Variants in PHF12 observed in about 807,000 individuals in gnomAD.
The protein encoded by PHF12 is PHD factor 1.
A neutral mutation model predicts 99.8 loss-of-function variants in PHF12; 6 were observed. The ratio of observed to expected loss-of-function variants is 0.06; its 90% CI spans 0.03 to 0.12. The LOEUF (loss-of-function observed/expected upper bound fraction) is 0.12, where lower values mean the gene tolerates loss of function less well. Ranked by LOEUF, PHF12 falls within the 10% of genes least tolerant of loss-of-function variation. The probability of loss-of-function intolerance (pLI) is 1.00; values close to 1 mark genes in which losing one functional copy is unlikely to be tolerated. For missense variants in PHF12, 954 were observed against 1,300.1 expected (o/e 0.73, Z 4.09); for synonymous variants, 480 against 514.9 (o/e 0.93, Z 0.92).
chr17:28,947,610 C>T (rs879937127), intron 2 of PHF12, among the ~76,000 whole-genome samples: 1 of 151,780 alleles, frequency 6.6e-6, no homozygotes, highest in Non-Finnish European at 1.5e-5. Context: ...AAAACAACAA[C>T]AAAAAAAACT....
At position 28,949,286 on chromosome 17, in the gene PHF12, G is replaced by T. The variant is rs139353045; in HGVS notation, c.248+779C>A. ...TGTCTAACCCGGCCCGATTTCCTAA[G>T]AGGCAGCGGCGCCGGGAGGGAGGAG... On this transcript the variant is annotated intron_variant, in intron 2 of 14. Coordinates refer to ENST00000332830, the MANE Select transcript of PHF12 (RefSeq NM_001033561.2). The surrounding 1 kb of genome is among the most constrained non-coding windows in gnomAD (Gnocchi z 4.6). Among the ~76,000 whole-genome samples, 1 of 152,160 alleles carries T rather than the reference G, an allele frequency of 6.6e-6. No individual in the cohort carries two copies. Among genetic ancestry groups the T allele is most frequent in the Non-Finnish European group, 1.5e-5 (1 of 68,030 alleles).
chr17:28,931,319 G>A (rs921387079), intron 2 of PHF12, among the ~76,000 whole-genome samples: 18 of 149,498 alleles, frequency 1.2e-4, no homozygotes, highest in Admixed American at 2.7e-4. Flanking sequence ...GCAGTGGCGC[G>A]ATCTTGGCTC....
chr17:28,950,773 TG>T lies in PHF12; in HGVS notation c.66+121del. ...GCAAAGAGGGGAGGGAGAGGCTAGG[TG>T]AGGAAGAATCCCCCTCCCTCGGCCA... On this transcript the variant is annotated intron_variant, in intron 1 of 14. Transcript: ENST00000332830. This position sits in a 1 kb window ranked among gnomAD's most constrained non-coding sequence, Gnocchi z 5.7. 3 of 1,393,892 alleles carry T rather than the reference TG, an allele frequency of 2.2e-6. No individual in the cohort carries two copies. The highest frequency in any genetic ancestry group is 2.9e-6 in the Non-Finnish European group (3 of 1,034,660). 86.3% of individuals were successfully genotyped at this position (1,393,892 alleles called of 1,614,324 possible).
intron 3 of PHF12, 186 bp downstream of exon 3, chr17:28,926,805 C>T (rs1176042875): frequency 1.3e-6 from 2 of 1,531,740 alleles, no homozygotes; most frequent in South Asian, 2.4e-5. Flanking sequence ...TTCAGCAGCC[C>T]ATGTTTGGAT....
At chr17:28,936,903 T>A (rs2040520479) in intron 2 of PHF12, among the ~76,000 whole-genome samples, 1 of 152,242 alleles carries the variant, frequency 6.6e-6, no homozygotes, top group African/African-American at 2.4e-5. Flanking sequence ...ACTAGCCTAC[T>A]CTCCCTCAGA....
Position 28,950,855 on chromosome 17 carries a change from C to A in PHF12, c.66+40G>T, listed in dbSNP as rs768968340. 6.2e-7 allele frequency: 1 copy of A among 1,609,354 alleles called. No homozygotes were observed. Among genetic ancestry groups the A allele is most frequent in the South Asian group, 1.1e-5 (1 of 90,732 alleles). On this transcript the variant is annotated intron_variant, in intron 1 of 14. Transcript: ENST00000332830. The surrounding 1 kb of genome is among the most constrained non-coding windows in gnomAD (Gnocchi z 5.7). ...GTGGGGCGGAGGGCGGAGGTTCCCT[C>A]CCGGCGCTGGAGGAAGGAGATGAGG... is the stretch of plus-strand genomic sequence containing the variant.
chr17:28,928,879 C>T (rs973796648), intron 2 of PHF12, among the ~76,000 whole-genome samples: 2 of 152,024 alleles, frequency 1.3e-5, no homozygotes, highest in South Asian at 2.1e-4. Flanking sequence ...AGGCAGAACA[C>T]GACGTCAGGA....
In PHF12 at chr17:28,950,997, C is replaced by T. The variant is rs767715122; in HGVS notation, c.-37G>A. 7.8e-5 allele frequency: 125 copies of T among 1,609,300 alleles called. No individual in the cohort carries two copies. The Admixed American group carries it at 2.0e-3, about 26-fold the overall frequency. On this transcript the variant is annotated 5_prime_UTR_variant, in exon 1 of 15. Coordinates refer to ENST00000332830, the MANE Select transcript of PHF12 (RefSeq NM_001033561.2). This position sits in a 1 kb window ranked among gnomAD's most constrained non-coding sequence, Gnocchi z 5.7. ...CCGGGCTGGGTGCTCTCTGCTCCGG[C>T]CCCCCCAACCCCGGGGGGAGGGGGG...
At chr17:28,923,257 TGGAAAGTA>T (rs1197398331) in intron 4 of PHF12, among the ~76,000 whole-genome samples, 4 of 151,874 alleles carry the variant, frequency 2.6e-5, no homozygotes, top group Non-Finnish European at 5.9e-5. Flanking sequence ...AGCAGGAAGG[TGGAAAGTA>T]GGCAAATGGC....
Position 28,951,260 on chromosome 17 carries a change from G to C in PHF12, c.-300C>G, listed in dbSNP as rs965924800. On this transcript the variant is annotated 5_prime_UTR_variant, in exon 1 of 15. Transcript: ENST00000332830. ...GGGCCTAGTCCCACAGGCTAAAGCC[G>C]GCACTGGCGACAGCCGGTCCGGCCG... 2.1e-5 allele frequency: 25 copies of C among 1,218,344 alleles called. 1 individual carries two copies. In the South Asian group the frequency reaches 4.5e-4, roughly 22 times the overall value. The allele number at this position is 1,218,344 out of a possible 1,614,324, so 75.5% of individuals were successfully genotyped here.
At chr17:28,927,208 C>T in intron 2 of PHF12, 145 bp from the exon 3 acceptor site, 1 of 680,898 alleles carries the variant, frequency 1.5e-6, no homozygotes, top group East Asian at 2.7e-5. Context: ...ATGCCTAAGT[C>T]AGCATCACTC....
At chr17:28,923,607 G>A (rs1450591498) in intron 4 of PHF12, among the ~76,000 whole-genome samples, 1 of 123,918 alleles carries the variant, frequency 8.1e-6, no homozygotes, top group Admixed American at 9.9e-5. Flanking sequence ...GCAATGAGCC[G>A]AGATCGTGCC....
In PHF12 at chr17:28,913,184, T is replaced by C; in HGVS notation, c.1387A>G (p.Lys463Glu). ...PSHWDSEQTEKADIKPVIVTD... is the reference protein window; with the variant it reads ...PSHWDSEQTEEADIKPVIVTD... The stretch of plus-strand genomic sequence containing the variant: ...ACAATAACAGGCTTAATATCAGCCT[T>C]CTCTGTCTGTTCAGAGTCCCAATGC... Residue 463 changes from lysine (K) to glutamate (E), a missense_variant, in exon 9 of 15, where the codon AAG (lysine) becomes GAG (glutamate). By Grantham distance (56) the Lys-to-Glu change is moderately conservative. Coordinates refer to ENST00000332830, the MANE Select transcript of PHF12 (RefSeq NM_001033561.2). 6.2e-7 allele frequency: 1 copy of C among 1,614,134 alleles called. No homozygotes were observed. The highest frequency in any genetic ancestry group is 8.5e-7 in the Non-Finnish European group (1 of 1,180,010).
chr17:28,943,076 C>T (rs2040650121), intron 2 of PHF12, among the ~76,000 whole-genome samples: 2 of 152,130 alleles, frequency 1.3e-5, no homozygotes, highest in African/African-American at 4.8e-5. Flanking sequence ...ACATCACTAG[C>T]CTTCAGGGAA....
rs985790404 is a variant in PHF12, at chr17:28,906,729, G to A, written c.2680+127C>T. On this transcript the variant is annotated intron_variant, in intron 14 of 14. Coordinates refer to ENST00000332830, the MANE Select transcript of PHF12 (RefSeq NM_001033561.2). This position sits in a 1 kb window ranked among gnomAD's most constrained non-coding sequence, Gnocchi z 4.2. ...CACTTGCTTCTCTGTGGCCTGCCCT[G>A]GGCCCACGAGGAAGTAGAGCTTGGC... The A allele has an allele frequency of 6.1e-5, 86 of 1,408,066 alleles. No individual in the cohort carries two copies. The highest frequency in any genetic ancestry group is 9.3e-5 in the Admixed American group (4 of 42,992). The allele number at this position is 1,408,066 out of a possible 1,614,324, so 87.2% of individuals were successfully genotyped here.
At chr17:28,931,148 T>C (rs1483923940) in intron 2 of PHF12, among the ~76,000 whole-genome samples, 1 of 152,150 alleles carries the variant, frequency 6.6e-6, no homozygotes, top group African/African-American at 2.4e-5. Context: ...TTGTTAAGCC[T>C]GCCCTAAAGT....
chr17:28,923,773 T>G, intron 4 of PHF12, 136 bp downstream of exon 4: 1 of 1,091,526 alleles, frequency 9.2e-7, no homozygotes, highest in Admixed American at 3.1e-5. Flanking sequence ...CCTTCAAAGA[T>G]CTCTCCAAGC....
intron 2 of PHF12, among the ~76,000 whole-genome samples, chr17:28,945,768 A>G (rs143223594): frequency 4.1e-4 from 63 of 152,304 alleles, no homozygotes; most frequent in African/African-American, 1.3e-3. Flanking sequence ...CAGTCCAGAG[A>G]CCTTTCAGAA....
chr17:28,935,527 C>T (rs2040493412), intron 2 of PHF12, among the ~76,000 whole-genome samples: 3 of 152,214 alleles, frequency 2.0e-5, no homozygotes. Flanking sequence ...CCTCCTCAGC[C>T]TCCCAAAGTG....
Sources: allele counts gnomAD v4.1 joint callset (sites outside exome capture counted in the v4.1 genomes callset), GRCh38; gene constraint gnomAD v4.1.1; non-coding constraint Gnocchi (gnomAD v3.1); transcripts MANE v1.5; gene names NCBI Gene and HGNC (gene_info 2026-07-23, HGNC 2026-07-21).